FAM135B: variants seen among roughly 807,000 people sequenced by gnomAD.
FAM135B encodes the protein family with sequence similarity 135 member B.
Under a neutral mutation model 127.7 loss-of-function variants are expected in FAM135B, and 43 were observed. The observed-to-expected ratio is 0.34, with a 90% CI of 0.26 to 0.43. FAM135B has a LOEUF of 0.43. Among genes scored for constraint, FAM135B ranks in the 20% least tolerant of loss-of-function variants. The pLI, the probability that FAM135B is intolerant of heterozygous loss-of-function variation, is 1.00. For synonymous variants in FAM135B, 670 were observed against 665.1 expected (o/e 1.01, Z -0.11); for missense variants, 1,558 against 1,725.6 (o/e 0.90, Z 1.72).
At chr8:138,138,574 G>A (rs1816858569) in intron 18 of FAM135B, among the ~76,000 whole-genome samples, 1 of 152,250 alleles carries the variant, frequency 6.6e-6, no homozygotes, top group South Asian at 2.1e-4. Flanking sequence ...TAGCAGGCCT[G>A]CCTGACAATG....
At chr8:138,295,024 C>T (rs758928163) in intron 3 of FAM135B, among the ~76,000 whole-genome samples, 27 of 151,598 alleles carry the variant, frequency 1.8e-4, no homozygotes, top group Admixed American at 2.6e-4. Context: ...GGTAAACTGG[C>T]CACATAGAAG....
At chr8:138,311,417 T>C (rs971651146) in intron 2 of FAM135B, among the ~76,000 whole-genome samples, 8 of 152,220 alleles carry the variant, frequency 5.3e-5, no homozygotes, top group South Asian at 2.1e-4. Flanking sequence ...CCTTCCTTAA[T>C]TTTAACATAG....
At chr8:138,178,016 G>A (rs957529559) in intron 10 of FAM135B, among the ~76,000 whole-genome samples, 10 of 151,984 alleles carry the variant, frequency 6.6e-5, no homozygotes, top group South Asian at 2.1e-4. Context: ...AGGCTGAGGC[G>A]GGCAGATTGC....
intron 2 of FAM135B, among the ~76,000 whole-genome samples, chr8:138,342,276 A>T (rs1176868166): frequency 6.6e-6 from 1 of 152,200 alleles, no homozygotes; most frequent in Non-Finnish European, 1.5e-5. Flanking sequence ...CATGAGTGAC[A>T]GATAGAGAAA....
intron 1 of FAM135B, among the ~76,000 whole-genome samples, chr8:138,414,119 C>CATACATAT (rs144143600): frequency 8.0e-6 from 1 of 124,642 alleles, no homozygotes; most frequent in Non-Finnish European, 1.7e-5. Flanking sequence ...CACACAAATA[C>CATACATAT]ATATATATAT....
At chr8:138,202,125 CAAA>C (rs60386806) in intron 7 of FAM135B, among the ~76,000 whole-genome samples, 5 of 84,148 alleles carry the variant, frequency 5.9e-5, no homozygotes, top group East Asian at 4.1e-4. Context: ...AACTCTGTCT[CAAA>C]AAAAAAAAAA....
At position 138,416,564 on chromosome 8, in the gene FAM135B, G is replaced by T. The variant is rs377736226; in HGVS notation, c.-19-48562C>A. ...TTCCAGAGGGTCAGATTTATGTCTTGCTCATTCACTCATTCAAAAATTAGT... is the reference window on the plus strand; with the variant it reads ...TTCCAGAGGGTCAGATTTATGTCTTTCTCATTCACTCATTCAAAAATTAGT... On this transcript the variant is annotated intron_variant, in intron 1 of 19. Transcript: ENST00000395297. Among the ~76,000 whole-genome samples the T allele has an allele frequency of 1.8e-4, 27 of 152,116 alleles. No individual in the cohort carries two copies. In the South Asian group the frequency reaches 5.6e-3, roughly 32 times the overall value.
At chr8:138,403,248 C>T (rs1025349164) in intron 1 of FAM135B, among the ~76,000 whole-genome samples, 1 of 152,144 alleles carries the variant, frequency 6.6e-6, no homozygotes, top group African/African-American at 2.4e-5. Context: ...CCCCTTCTCT[C>T]CCTCTTCCCA....
At chr8:138,387,600 A>G (rs935966784) in intron 1 of FAM135B, among the ~76,000 whole-genome samples, 2 of 152,068 alleles carry the variant, frequency 1.3e-5, no homozygotes, top group African/African-American at 4.8e-5. Flanking sequence ...TGGGACTCCT[A>G]TTTCTTGGAG....
intron 1 of FAM135B, among the ~76,000 whole-genome samples, chr8:138,458,082 G>A (rs1836905725): frequency 6.6e-6 from 1 of 152,126 alleles, no homozygotes; most frequent in South Asian, 2.1e-4. Flanking sequence ...AACCTGGGAG[G>A]AAGAGGTTGC....
intron 12 of FAM135B, among the ~76,000 whole-genome samples, chr8:138,164,755 T>C (rs955729711): frequency 5.3e-5 from 8 of 152,194 alleles, no homozygotes; most frequent in Non-Finnish European, 1.5e-5. Flanking sequence ...CTAAAATGCA[T>C]AAAACCAAGC....
chr8:138,425,964 CATATATAT>C (rs11271386), intron 1 of FAM135B, among the ~76,000 whole-genome samples: 178 of 109,980 alleles, frequency 1.6e-3, no homozygotes, highest in South Asian at 7.6e-3. Context: ...GCCAGGCCAA[CATATATAT>C]ATATATATAT....
intron 1 of FAM135B, among the ~76,000 whole-genome samples, chr8:138,396,903 T>C (rs1832885156): frequency 6.6e-6 from 1 of 152,194 alleles, no homozygotes; most frequent in Admixed American, 6.5e-5. Context: ...CCCCTAATTA[T>C]GTATCCATAA....
intron 3 of FAM135B, among the ~76,000 whole-genome samples, chr8:138,274,672 C>G (rs765366694): frequency 2.0e-5 from 3 of 152,048 alleles, no homozygotes; most frequent in Admixed American, 6.5e-5. Context: ...CCATAAGAGA[C>G]GACCACGCCC....
At chr8:138,432,382 G>A (rs1835237226) in intron 1 of FAM135B, among the ~76,000 whole-genome samples, 1 of 151,956 alleles carries the variant, frequency 6.6e-6, no homozygotes, top group Admixed American at 6.6e-5. Context: ...CTACACTTTG[G>A]ATCCAAAGCT....
chr8:138,437,463 C>G (rs1280026635), intron 1 of FAM135B: 1 of 152,182 alleles, frequency 6.6e-6, no homozygotes, highest in African/African-American at 2.4e-5. Flanking sequence ...CTCGATACCT[C>G]TCCTTCCTGC....
chr8:138,269,991 G>A (rs1823251197), intron 3 of FAM135B, among the ~76,000 whole-genome samples: 1 of 152,172 alleles, frequency 6.6e-6, no homozygotes, highest in African/African-American at 2.4e-5. Flanking sequence ...ATAGGCAGAA[G>A]AGAAAGCCAC....
At chr8:138,227,150 G>A (rs995031065) in intron 7 of FAM135B, among the ~76,000 whole-genome samples, 1 of 152,184 alleles carries the variant, frequency 6.6e-6, no homozygotes, top group African/African-American at 2.4e-5. Flanking sequence ...GTGACCCAAG[G>A]GCAGCTAATC....
At chr8:138,346,419 A>G (rs1829413725) in intron 2 of FAM135B, among the ~76,000 whole-genome samples, 1 of 152,210 alleles carries the variant, frequency 6.6e-6, no homozygotes, top group Non-Finnish European at 1.5e-5. Context: ...AATCAACCCA[A>G]ATGCCAATCA....
Sources: gnomAD v4.1 joint callset for allele counts (sites outside exome capture counted in the v4.1 genomes callset) on GRCh38, gnomAD v4.1.1 for gene constraint, MANE v1.5 for transcripts, NCBI Gene and HGNC (gene_info 2026-07-23, HGNC 2026-07-21) for gene names.